The following HEMK2 variants were observed in gnomAD, a reference collection of about 807,000 sequenced individuals.
The protein encoded by HEMK2 is methyltransferase HEMK2.
the HEMK2 span, among the ~76,000 whole-genome samples, chr21:28,618,389 C>T: frequency 1.3e-5 from 2 of 152,150 alleles, no homozygotes; most frequent in South Asian, 4.1e-4. Flanking sequence ...TTACCATGCA[C>T]TTAATCTTTG....
At chr21:28,717,673 T>TTTC in the HEMK2 span, among the ~76,000 whole-genome samples, 2 of 152,138 alleles carry the variant, frequency 1.3e-5, no homozygotes, top group Non-Finnish European at 2.9e-5. Context: ...AGAGACAGGG[T>TTTC]TTCACCTTGT....
chr21:28,839,886 G>A, the HEMK2 span, among the ~76,000 whole-genome samples: 550 of 151,908 alleles, frequency 3.6e-3, 4 homozygotes, highest in African/African-American at 0.012. Flanking sequence ...CATACAGAAC[G>A]AAAAAAGAGC....
At chr21:28,810,056 G>A in the HEMK2 span, among the ~76,000 whole-genome samples, 1 of 152,164 alleles carries the variant, frequency 6.6e-6, no homozygotes, top group Admixed American at 6.5e-5. Flanking sequence ...CCATGGCCAT[G>A]GAGTATCCGT....
the HEMK2 span, among the ~76,000 whole-genome samples, chr21:28,672,965 G>T: frequency 7.6e-6 from 1 of 132,130 alleles, no homozygotes; most frequent in Non-Finnish European, 1.6e-5. Context: ...GAGAGAGAAA[G>T]AAAAAAAATA....
At chr21:28,813,140 T>C in the HEMK2 span, among the ~76,000 whole-genome samples, 2 of 152,162 alleles carry the variant, frequency 1.3e-5, no homozygotes, top group Admixed American at 6.5e-5. Flanking sequence ...TGTATTCAAA[T>C]AGGAACAGAG....
the HEMK2 span, among the ~76,000 whole-genome samples, chr21:28,856,480 G>A: frequency 6.6e-6 from 1 of 152,178 alleles, no homozygotes; most frequent in South Asian, 2.1e-4. Flanking sequence ...TGTAATGAAT[G>A]AAAAATCTGG....
At chr21:28,686,708 TG>T in the HEMK2 span, among the ~76,000 whole-genome samples, 14 of 152,228 alleles carry the variant, frequency 9.2e-5, no homozygotes, top group African/African-American at 3.1e-4. Flanking sequence ...AAATAGACAC[TG>T]TGAGATTTCC....
At chr21:28,882,289 A>C in the HEMK2 span, 1 of 1,491,076 alleles carries the variant, frequency 6.7e-7, no homozygotes. Flanking sequence ...TCCTATGTCC[A>C]TAAGGCAAAT....
the HEMK2 span, among the ~76,000 whole-genome samples, chr21:28,591,606 C>A: frequency 2.6e-5 from 4 of 152,150 alleles, no homozygotes; most frequent in Non-Finnish European, 5.9e-5. Context: ...TACAGGTAAA[C>A]TCACATCATG....
At chr21:28,810,602 G>A in the HEMK2 span, among the ~76,000 whole-genome samples, 1 of 152,156 alleles carries the variant, frequency 6.6e-6, no homozygotes, top group Non-Finnish European at 1.5e-5. Flanking sequence ...GGTAAACTGG[G>A]AATGTAATTT....
the HEMK2 span, among the ~76,000 whole-genome samples, chr21:28,652,417 T>C: frequency 6.6e-6 from 1 of 151,860 alleles, no homozygotes; most frequent in Non-Finnish European, 1.5e-5. Context: ...TTTCCTTTCT[T>C]TCTCTCTTTT....
At chr21:28,619,086 G>A in the HEMK2 span, among the ~76,000 whole-genome samples, 1 of 152,168 alleles carries the variant, frequency 6.6e-6, no homozygotes, top group Non-Finnish European at 1.5e-5. Flanking sequence ...ACAGAGGGAA[G>A]ATAATATGAA....
the HEMK2 span, among the ~76,000 whole-genome samples, chr21:28,859,016 T>C: frequency 6.6e-6 from 1 of 152,354 alleles, no homozygotes; most frequent in East Asian, 1.9e-4. Context: ...ATCAGCCAGC[T>C]TTCAGTAAAT....
chr21:28,670,264 C>T, the HEMK2 span, among the ~76,000 whole-genome samples: 1 of 152,018 alleles, frequency 6.6e-6, no homozygotes, highest in Non-Finnish European at 1.5e-5. Context: ...AGCCTACAGT[C>T]TAAATGGGCA....
the HEMK2 span, among the ~76,000 whole-genome samples, chr21:28,800,043 T>C: frequency 2.6e-5 from 4 of 152,210 alleles, no homozygotes. Context: ...CAATCCTGTT[T>C]TATGCACGTG....
the HEMK2 span, among the ~76,000 whole-genome samples, chr21:28,743,531 A>G: frequency 1.3e-5 from 2 of 151,890 alleles, no homozygotes; most frequent in African/African-American, 4.8e-5. Flanking sequence ...AGTAAGTAAC[A>G]AGTCATTGGG....
chr21:28,667,775 G>T, the HEMK2 span, among the ~76,000 whole-genome samples: 5 of 152,140 alleles, frequency 3.3e-5, no homozygotes, highest in African/African-American at 1.2e-4. Context: ...CATTGGTATG[G>T]CCTCCTAGCT....
At chr21:28,861,180 C>T in the HEMK2 span, among the ~76,000 whole-genome samples, 1 of 152,184 alleles carries the variant, frequency 6.6e-6, no homozygotes, top group African/African-American at 2.4e-5. Flanking sequence ...ACTGCAGACA[C>T]TCGACTACAA....
chr21:28,868,462 G>A, the HEMK2 span, among the ~76,000 whole-genome samples: 832 of 152,218 alleles, frequency 5.5e-3, 8 homozygotes, highest in African/African-American at 0.019. Context: ...TGGAAGGATC[G>A]CTTGAGCTCA....
Sources: allele counts gnomAD v4.1 joint callset (sites outside exome capture counted in the v4.1 genomes callset), GRCh38; gene constraint gnomAD v4.1.1; transcripts MANE v1.5; gene names NCBI Gene and HGNC (gene_info 2026-07-23, HGNC 2026-07-21).